The following DNAJB4 variants were observed in gnomAD, a reference collection of about 807,000 sequenced individuals.
DNAJB4 encodes the protein dnaJ homolog subfamily B member 4.
A neutral mutation model predicts 26.6 loss-of-function variants in DNAJB4; 10 were observed. The ratio of observed to expected loss-of-function variants is 0.38; its 90% CI spans 0.23 to 0.64. The LOEUF is 0.64. DNAJB4 is among the 30% of genes least tolerant of loss of function. The probability of loss-of-function intolerance (pLI) is 0.58; values close to 1 mark genes in which losing one functional copy is unlikely to be tolerated. For synonymous variants in DNAJB4, 136 were observed against 134.8 expected, an observed-to-expected ratio of 1.01 and a Z score of -0.06; for missense variants, 328 against 408.2, an observed-to-expected ratio of 0.80 and a Z score of 1.69.
At position 78,013,053 on chromosome 1, in the gene DNAJB4, T is replaced by C. The variant is rs762627068; in HGVS notation, c.214T>C (p.Leu72=). The change falls in exon 2 of 3, where the codon TTG becomes CTG. Residue 72 remains leucine, a splice_region_variant and synonymous_variant. Transcript: ENST00000370763. ...EIYDQFGEEG[L]KGGAGGTDGQ... ...ATCATGCTTATCTCTTCAATTAGGG[T>C]TGAAAGGAGGAGCAGGAGGTACTGA... The C allele has an allele frequency of 6.3e-7, 1 of 1,592,490 alleles. No individual in the cohort carries two copies. The highest frequency in any genetic ancestry group is 8.5e-7 in the Non-Finnish European group (1 of 1,170,716).
intron 1 of DNAJB4, among the ~76,000 whole-genome samples, chr1:78,012,791 CAA>C (rs899540465): frequency 4.1e-5 from 6 of 145,890 alleles, no homozygotes; most frequent in East Asian, 2.1e-4. Flanking sequence ...CCTGGGCAAA[CAA>C]GAGCGAAACT....
chr1:78,004,524 C>T (rs1187691070), upstream of DNAJB4: 1 of 143,996 alleles, frequency 6.9e-6, no homozygotes, highest in Non-Finnish European at 1.6e-5. Flanking sequence ...ATATACTTAA[C>T]AGACAAATAG....
upstream of DNAJB4, among the ~76,000 whole-genome samples, chr1:78,001,925 A>G (rs999536179): frequency 1.3e-5 from 2 of 152,224 alleles, no homozygotes; most frequent in African/African-American, 4.8e-5. Flanking sequence ...TGCAAGTGCT[A>G]ATTTTTATAT....
intron 2 of DNAJB4, 49 bp downstream of exon 2, chr1:78,013,668 A>T (rs1482843785): frequency 1.5e-6 from 2 of 1,372,228 alleles, no homozygotes; most frequent in Non-Finnish European, 2.0e-6. Flanking sequence ...TATGTAGTTG[A>T]TCATAGGGAG....
chr1:78,015,729 A>G (rs1481870107), intron 2 of DNAJB4, among the ~76,000 whole-genome samples: 2 of 151,694 alleles, frequency 1.3e-5, no homozygotes, highest in Non-Finnish European at 2.9e-5. Flanking sequence ...TTGTATTTTT[A>G]GTAGAGACAA....
chr1:77,999,839 ATTC>A (rs1043370350), intron 1 of DNAJB4, among the ~76,000 whole-genome samples: 19 of 152,062 alleles, frequency 1.2e-4, no homozygotes, highest in African/African-American at 4.1e-4. Context: ...TTAAGTCTTT[ATTC>A]TTTTGTACTA....
chr1:78,001,430 A>G (rs1353952048), upstream of DNAJB4, among the ~76,000 whole-genome samples: 1 of 152,168 alleles, frequency 6.6e-6, no homozygotes, highest in Non-Finnish European at 1.5e-5. Context: ...TGCGATGGTA[A>G]AATATGAGAA....
rs187451891 is a variant in DNAJB4 at position 78,011,457 on chromosome 1, C to T, written c.212-1594C>T. 3.3e-5 allele frequency among the ~76,000 whole-genome samples: 5 copies of T among 151,612 alleles called. No homozygotes were observed. The South Asian group carries it at 1.0e-3, about 32-fold the overall frequency. ...GTCCTCATTATTAGAATTTTTTTCA[C>T]TCTCTGACACAGAGTTCTATTTTAA... On this transcript the variant is annotated intron_variant, in intron 1 of 2. Coordinates refer to ENST00000370763, the MANE Select transcript of DNAJB4 (RefSeq NM_007034.5).
Position 78,013,386 on chromosome 1 carries a change from C to T in DNAJB4, c.547C>T (p.Arg183Ter), listed in dbSNP as rs141666453. Residue 183 changes from arginine (R) to a stop codon, truncating the protein, a stop_gained, in exon 2 of 3, where the codon CGA becomes TGA. Transcript: ENST00000370763. LOFTEE classifies it high-confidence loss of function. ...TTGTACCAAACGGATGAAGATTTCT[C>T]GAAAAAGGCTAAACGCTGATGGAAG... ...SGCTKRMKIS[R>*]KRLNADGRSY... 8.1e-6 allele frequency: 13 copies of T among 1,613,964 alleles called. No homozygotes were observed. Among genetic ancestry groups the T allele is most frequent in the South Asian group, 1.1e-5 (1 of 91,054 alleles).
intron 1 of DNAJB4, among the ~76,000 whole-genome samples, chr1:77,985,087 CA>C (rs1371498869): frequency 6.6e-6 from 1 of 150,876 alleles, no homozygotes; most frequent in Non-Finnish European, 1.5e-5. Context: ...TGTACAGAAC[CA>C]AAAACATCTT....
intron 1 of DNAJB4, among the ~76,000 whole-genome samples, chr1:77,990,781 A>G (rs1659914129): frequency 1.3e-5 from 2 of 152,212 alleles, no homozygotes; most frequent in South Asian, 2.1e-4. Flanking sequence ...TACAGATGCT[A>G]TTTCTTACTA....
upstream of DNAJB4, among the ~76,000 whole-genome samples, chr1:78,004,116 C>G (rs1660259235): frequency 1.3e-5 from 2 of 152,122 alleles, no homozygotes; most frequent in South Asian, 2.1e-4. Context: ...TGTCTGTAAC[C>G]TGATACTTTG....
In DNAJB4 at chr1:78,005,883, C is replaced by T. The variant is rs1302432150; in HGVS notation, c.211+562C>T. ...AGAAGCAGAAGGCGCAGGCATTTAG[C>T]TTCTAGTTGTTTTTGGCATTCTGCC... On this transcript the variant is annotated intron_variant, in intron 1 of 2. Transcript: ENST00000370763. Among the ~76,000 whole-genome samples, 3 of 152,188 alleles carry T rather than the reference C, an allele frequency of 2.0e-5. No individual in the cohort carries two copies. The South Asian group carries it at 6.2e-4, about 32-fold the overall frequency.
intron 1 of DNAJB4, among the ~76,000 whole-genome samples, chr1:77,998,148 C>T (rs1004262717): frequency 6.6e-6 from 1 of 152,142 alleles, no homozygotes; most frequent in African/African-American, 2.4e-5. Context: ...TCTTCCCCCT[C>T]TAGAATGAGT....
At position 78,013,354 on chromosome 1, in the gene DNAJB4, A is replaced by G. The variant is rs761309033; in HGVS notation, c.515A>G (p.Tyr172Cys). The change falls in exon 2 of 3, where the codon TAT becomes TGT. Residue 172 changes from tyrosine (Y) to cysteine (C), a missense_variant. By Grantham distance (194) the Tyr-to-Cys change is radical. Coordinates refer to ENST00000370763, the MANE Select transcript of DNAJB4 (RefSeq NM_007034.5). ...CTTAGAGTATCACTTGAAGAGATAT[A>G]TAGTGGTTGTACCAAACGGATGAAG... Reference protein sequence around the residue: ...HELRVSLEEIYSGCTKRMKIS... With the variant: ...HELRVSLEEICSGCTKRMKIS... 1.9e-6 allele frequency: 3 copies of G among 1,614,234 alleles called. No homozygotes were observed. Among genetic ancestry groups the G allele is most frequent in the Non-Finnish European group, 2.5e-6 (3 of 1,180,038 alleles).
chr1:77,997,966 C>A (rs779923842), intron 1 of DNAJB4, among the ~76,000 whole-genome samples: 14 of 151,894 alleles, frequency 9.2e-5, no homozygotes, highest in Non-Finnish European at 2.1e-4. Flanking sequence ...TTTGTATTTT[C>A]ACGGGGTTTT....
chr1:78,011,937 T>G (rs953504525), intron 1 of DNAJB4, among the ~76,000 whole-genome samples: 11 of 148,666 alleles, frequency 7.4e-5, no homozygotes, highest in Non-Finnish European at 3.0e-5. Context: ...TATATTTTAT[T>G]AATATATTTA....
In DNAJB4 at chr1:78,016,256, A is replaced by T. The variant is rs1218849214; in HGVS notation, c.*9A>T. ...ATCTTCCTGCCTCATAGAATGAAGAACTTTGTTACACATATTTTGATAAGG... is the reference window on the plus strand; with the variant it reads ...ATCTTCCTGCCTCATAGAATGAAGATCTTTGTTACACATATTTTGATAAGG... On this transcript the variant is annotated 3_prime_UTR_variant, in exon 3 of 3. Coordinates refer to ENST00000370763, the MANE Select transcript of DNAJB4 (RefSeq NM_007034.5). 9 of 1,603,004 alleles carry T rather than the reference A, an allele frequency of 5.6e-6. No individual in the cohort carries two copies. The South Asian group carries it at 8.9e-5, about 16-fold the overall frequency.
At chr1:78,004,154 C>A (rs147438018), upstream of DNAJB4, among the ~76,000 whole-genome samples, 123 of 152,254 alleles carry the variant, frequency 8.1e-4, no homozygotes, top group African/African-American at 2.9e-3. Flanking sequence ...CACCACAGTT[C>A]TTTAAATAGG....
Sources: allele counts gnomAD v4.1 joint callset (sites outside exome capture counted in the v4.1 genomes callset), GRCh38; gene constraint gnomAD v4.1.1; transcripts MANE v1.5; gene names NCBI Gene and HGNC (gene_info 2026-07-23, HGNC 2026-07-21).